The following OPHN1 variants were observed in gnomAD, a reference collection of about 807,000 sequenced individuals.
OPHN1 encodes oligophrenin 1, also known as oligophrenin-1.
In OPHN1, 11 loss-of-function variants were observed where a neutral mutation model predicts 60.7. The observed-to-expected ratio is 0.18, with a 90% confidence interval of 0.11 to 0.30. The LOEUF is 0.30. Among genes scored for constraint, OPHN1 ranks in the 10% least tolerant of loss-of-function variants. The pLI is 1.00. For missense variants in OPHN1, 449 were observed against 611.0 expected, an observed-to-expected ratio of 0.73 and a Z score of 2.80; for synonymous variants, 226 against 222.6, an observed-to-expected ratio of 1.02 and a Z score of -0.14.
chrX:68,317,839 T>C (rs2078216633), intron 2 of OPHN1, among the ~76,000 whole-genome samples: 1 of 110,489 alleles, frequency 9.1e-6, no homozygotes, highest in African/African-American at 3.3e-5. Flanking sequence ...TCAAGGAAAA[T>C]TAACAACACA....
chrX:68,423,520 A>G (rs759313794), intron 2 of OPHN1, among the ~76,000 whole-genome samples: 2 of 110,206 alleles, frequency 1.8e-5, no homozygotes, highest in African/African-American at 6.6e-5. Context: ...CATCACTGCA[A>G]TCCAATCTTA....
chrX:68,368,195 G>C (rs943527721), intron 2 of OPHN1, among the ~76,000 whole-genome samples: 1 of 110,732 alleles, frequency 9.0e-6, no homozygotes, highest in Non-Finnish European at 1.9e-5. Context: ...AAAAGCTGAT[G>C]GGGGGCAGAT....
At chrX:68,186,003 G>T (rs1338165953) in intron 15 of OPHN1, among the ~76,000 whole-genome samples, 1 of 111,736 alleles carries the variant, frequency 8.9e-6, no homozygotes, top group Admixed American at 9.5e-5. Context: ...TTTTTTCCAA[G>T]GGGAAGACTA....
At chrX:68,220,092 A>G (rs1260608212) in intron 6 of OPHN1, among the ~76,000 whole-genome samples, 3 of 106,411 alleles carry the variant, frequency 2.8e-5, no homozygotes, top group Non-Finnish European at 5.8e-5. Context: ...AAAATGATAA[A>G]GGGGATATCA....
At chrX:68,151,256 G>A (rs1164532282) in intron 15 of OPHN1, among the ~76,000 whole-genome samples, 1 of 112,162 alleles carries the variant, frequency 8.9e-6, no homozygotes, top group Non-Finnish European at 1.9e-5. Flanking sequence ...TAGACAACAA[G>A]TAAAAGAATG....
chrX:68,261,490 C>T (rs1349661913), intron 5 of OPHN1, among the ~76,000 whole-genome samples: 1 of 110,463 alleles, frequency 9.1e-6, no homozygotes, highest in Non-Finnish European at 1.9e-5. Context: ...TGGGGGGAGG[C>T]GGGGAAGTTG....
chrX:68,317,876 C>T (rs775200756), intron 2 of OPHN1, among the ~76,000 whole-genome samples: 2 of 111,255 alleles, frequency 1.8e-5, no homozygotes, highest in South Asian at 3.8e-4. Context: ...TGGCTCACAC[C>T]TGTAATCCCA....
intron 6 of OPHN1, among the ~76,000 whole-genome samples, chrX:68,221,837 CT>C (rs1277412559): frequency 1.3e-5 from 1 of 77,662 alleles, no homozygotes; most frequent in Non-Finnish European, 2.6e-5. Context: ...AGAAGAAAAC[CT>C]AGGTATTACC....
chrX:68,412,976 T>C (rs138082787), intron 2 of OPHN1, among the ~76,000 whole-genome samples: 1 of 111,471 alleles, frequency 9.0e-6, no homozygotes, highest in Non-Finnish European at 1.9e-5. Flanking sequence ...GGTGAGAAAT[T>C]TGAATTCCTG....
At chrX:68,401,513 A>G (rs1159257797) in intron 2 of OPHN1, among the ~76,000 whole-genome samples, 1 of 112,546 alleles carries the variant, frequency 8.9e-6, no homozygotes, top group Non-Finnish European at 1.9e-5. Context: ...GCAATTGTAC[A>G]GTAACACAAT....
chrX:68,048,839 A>T (rs926701599), intron 23 of OPHN1, among the ~76,000 whole-genome samples: 8 of 111,690 alleles, frequency 7.2e-5, no homozygotes, highest in African/African-American at 2.6e-4. Context: ...AGAAGACCAA[A>T]CCAACCTTGT....
chrX:68,189,223 T>C (rs2077476429), intron 15 of OPHN1, among the ~76,000 whole-genome samples: 1 of 111,926 alleles, frequency 8.9e-6, no homozygotes, highest in African/African-American at 3.2e-5. Flanking sequence ...CATTGTGAAA[T>C]ACTTAAGAGT....
At chrX:68,194,075 T>C in intron 13 of OPHN1, 123 bp from the exon 14 acceptor site, 1 of 589,713 alleles carries the variant, frequency 1.7e-6, no homozygotes, top group South Asian at 2.5e-5. Flanking sequence ...TCATTTCTAG[T>C]CACCCTTAAA....
chrX:68,101,666 A>G (rs1485580351), intron 18 of OPHN1, among the ~76,000 whole-genome samples: 2 of 112,455 alleles, frequency 1.8e-5, no homozygotes, highest in Non-Finnish European at 3.8e-5. Flanking sequence ...AATGAGCATA[A>G]CATAAGGTAA....
At chrX:68,050,905 A>T (rs2076849060) in intron 23 of OPHN1, among the ~76,000 whole-genome samples, 2 of 112,387 alleles carry the variant, frequency 1.8e-5, no homozygotes, top group Admixed American at 1.9e-4. Context: ...TACTTAAAAA[A>T]CTTCTGAGGT....
At chrX:68,423,846 T>C (rs1199744234) in intron 2 of OPHN1, among the ~76,000 whole-genome samples, 1 of 111,784 alleles carries the variant, frequency 8.9e-6, no homozygotes, top group Non-Finnish European at 1.9e-5. Flanking sequence ...ATTTAGAGGT[T>C]GTTTCCACTT....
intron 2 of OPHN1, among the ~76,000 whole-genome samples, chrX:68,344,059 T>A (rs1310243083): frequency 1.8e-5 from 2 of 111,771 alleles, no homozygotes; most frequent in African/African-American, 6.5e-5. Context: ...TCCTATCAAT[T>A]TAGTAAGTCT....
intron 2 of OPHN1, among the ~76,000 whole-genome samples, chrX:68,308,397 C>T (rs780322393): frequency 6.2e-4 from 68 of 110,380 alleles, no homozygotes; most frequent in African/African-American, 1.9e-3. Context: ...TCGAGACCAG[C>T]CTGGCCAACA....
chrX:68,429,125 G>C (rs2078873049), intron 2 of OPHN1, among the ~76,000 whole-genome samples: 1 of 111,372 alleles, frequency 9.0e-6, no homozygotes. Flanking sequence ...TACAGACGAA[G>C]TAAAAGTGAT....
Sources: allele counts gnomAD v4.1 joint callset (sites outside exome capture counted in the v4.1 genomes callset), GRCh38; gene constraint gnomAD v4.1.1; transcripts MANE v1.5; gene names NCBI Gene and HGNC (gene_info 2026-07-23, HGNC 2026-07-21).